The following CDYL variants were observed in gnomAD, a reference collection of about 807,000 sequenced individuals.
The protein encoded by CDYL is chromodomain Y like.
In CDYL, 8 loss-of-function variants were observed where a neutral mutation model predicts 47.3. The ratio of observed to expected loss-of-function variants is 0.17; its 90% CI spans 0.10 to 0.31. CDYL has a LOEUF of 0.31. Among genes scored for constraint, CDYL ranks in the 10% least tolerant of loss-of-function variants. The pLI is 1.00. For missense variants in CDYL, 471 were observed against 701.4 expected (o/e 0.67, Z 3.71); for synonymous variants, 266 against 265.0 (o/e 1.00, Z -0.04).
At chr6:4,756,214 A>T (rs1244292156) in intron 3 of CDYL, among the ~76,000 whole-genome samples, 1 of 152,208 alleles carries the variant, frequency 6.6e-6, no homozygotes, top group East Asian at 1.9e-4. Flanking sequence ...CTAGTTGACC[A>T]GAAGCCTTCA....
At chr6:4,867,275 A>G (rs1053574092) in intron 1 of CDYL, among the ~76,000 whole-genome samples, 36 of 152,090 alleles carry the variant, frequency 2.4e-4, no homozygotes, top group African/African-American at 8.7e-4. Flanking sequence ...TTCTTCCTGC[A>G]TACTGGATCA....
At chr6:4,835,134 G>A (rs915387651) in intron 1 of CDYL, among the ~76,000 whole-genome samples, 2 of 152,210 alleles carry the variant, frequency 1.3e-5, no homozygotes, top group Admixed American at 6.5e-5. Flanking sequence ...TCCTTTGGAG[G>A]AGGAGAGGTG....
At chr6:4,929,246 A>G (rs575746805) in intron 2 of CDYL, among the ~76,000 whole-genome samples, 8 of 151,360 alleles carry the variant, frequency 5.3e-5, no homozygotes, top group South Asian at 2.1e-4. Context: ...TTCTCTTCAT[A>G]CACTTCAAAG....
intron 3 of CDYL, among the ~76,000 whole-genome samples, chr6:4,739,799 C>G (rs965073572): frequency 6.7e-6 from 1 of 149,856 alleles, no homozygotes; most frequent in Non-Finnish European, 1.5e-5. Context: ...CTAAAAAATA[C>G]AAAATTAGCT....
chr6:4,733,018 G>A (rs1206765186), intron 2 of CDYL: 1 of 152,312 alleles, frequency 6.6e-6, no homozygotes, highest in Admixed American at 6.5e-5. Flanking sequence ...ACCTAAGGCA[G>A]TCAGCCTCCC....
At chr6:4,881,609 G>C (rs1419571093) in intron 1 of CDYL, among the ~76,000 whole-genome samples, 1 of 152,090 alleles carries the variant, frequency 6.6e-6, no homozygotes, top group African/African-American at 2.4e-5. Context: ...TTTCTTATTT[G>C]TGCTATTGTT....
At chr6:4,788,495 A>AAAG (rs1443796688) in intron 1 of CDYL, among the ~76,000 whole-genome samples, 1 of 150,938 alleles carries the variant, frequency 6.6e-6, no homozygotes, top group Non-Finnish European at 1.5e-5. Context: ...AAAAAAAAAA[A>AAAG]AAAAAAAGGC....
intron 1 of CDYL, among the ~76,000 whole-genome samples, chr6:4,811,605 A>ATTTT (rs1426746120): frequency 7.1e-6 from 1 of 140,932 alleles, no homozygotes; most frequent in African/African-American, 2.7e-5. Context: ...CAATGACATT[A>ATTTT]TTCTTTTTTT....
intron 3 of CDYL, among the ~76,000 whole-genome samples, chr6:4,749,700 A>G (rs1300244385): frequency 6.6e-6 from 1 of 152,260 alleles, no homozygotes; most frequent in African/African-American, 2.4e-5. Context: ...CAAATAAGTT[A>G]TAATCTCATC....
At chr6:4,834,808 C>CTTCATTTCA (rs901051871) in intron 1 of CDYL, among the ~76,000 whole-genome samples, 3 of 152,010 alleles carry the variant, frequency 2.0e-5, no homozygotes, top group African/African-American at 7.3e-5. Context: ...TCCTTTCTCG[C>CTTCATTTCA]TTCATTTCAT....
intron 2 of CDYL, among the ~76,000 whole-genome samples, chr6:4,732,226 T>A (rs1757617700): frequency 6.6e-6 from 1 of 152,102 alleles, no homozygotes; most frequent in South Asian, 2.1e-4. Context: ...TTCCAGCTAC[T>A]CAGGAGGCTG....
intron 6 of CDYL, among the ~76,000 whole-genome samples, 169 bp downstream of exon 6, chr6:4,952,578 C>T (rs1479868373): frequency 6.6e-6 from 1 of 152,178 alleles, no homozygotes; most frequent in African/African-American, 2.4e-5. Flanking sequence ...CCCACGCACG[C>T]CTTGCCTTCC....
At chr6:4,823,129 C>G (rs1759886293) in intron 1 of CDYL, among the ~76,000 whole-genome samples, 1 of 152,162 alleles carries the variant, frequency 6.6e-6, no homozygotes, top group Non-Finnish European at 1.5e-5. Flanking sequence ...CATATATAAA[C>G]AAGGAGTAGA....
chr6:4,713,066 G>A (rs1013771400), intron 1 of CDYL, among the ~76,000 whole-genome samples: 12 of 152,330 alleles, frequency 7.9e-5, no homozygotes, highest in Middle Eastern at 3.4e-3. Flanking sequence ...GATCGCTTGA[G>A]CCCAGAAGGT....
intron 4 of CDYL, among the ~76,000 whole-genome samples, 186 bp from the exon 5 acceptor site, chr6:4,943,360 C>T (rs1227588739): frequency 6.6e-6 from 1 of 152,148 alleles, no homozygotes; most frequent in African/African-American, 2.4e-5. Context: ...AGGCTGTCAC[C>T]AAACCTTTAC....
intron 1 of CDYL, among the ~76,000 whole-genome samples, chr6:4,832,380 AT>A (rs1760172599): frequency 6.6e-6 from 1 of 151,298 alleles, no homozygotes; most frequent in South Asian, 2.1e-4. Flanking sequence ...GATTACATTT[AT>A]TGATTTGCGT....
At chr6:4,904,273 C>T (rs1757159190) in intron 2 of CDYL, among the ~76,000 whole-genome samples, 2 of 152,360 alleles carry the variant, frequency 1.3e-5, no homozygotes, top group South Asian at 4.1e-4. Context: ...GATAAACTGT[C>T]TCTTTTTAAA....
intron 1 of CDYL, among the ~76,000 whole-genome samples, chr6:4,886,249 G>A (rs780779003): frequency 1.3e-5 from 2 of 152,196 alleles, no homozygotes; most frequent in Non-Finnish European, 2.9e-5. Flanking sequence ...TTTCTGTTGG[G>A]TAGATACCTA....
chr6:4,865,097 A>G lies in CDYL; in HGVS notation c.25-26616A>G, dbSNP rs147396983. ...GTAAACAACTTTCCTGCCAGTTCTA[A>G]TCAGTAGTTCACATCTGTTCCCCTC... is the stretch of plus-strand genomic sequence containing the variant. On this transcript the variant is annotated intron_variant, in intron 1 of 6. Transcript: ENST00000397588. Among the ~76,000 whole-genome samples, 1,164 of 152,212 alleles carry G rather than the reference A, an allele frequency of 7.6e-3. 16 individuals carry two copies. The highest frequency in any genetic ancestry group is 0.027 in the African/African-American group (1,122 of 41,528).
Sources: gnomAD v4.1 joint callset for allele counts (sites outside exome capture counted in the v4.1 genomes callset) on GRCh38, gnomAD v4.1.1 for gene constraint, MANE v1.5 for transcripts, NCBI Gene and HGNC (gene_info 2026-07-23, HGNC 2026-07-21) for gene names.